Variants in DIP2B observed in about 807,000 individuals in gnomAD.
DIP2B encodes DIP2 acetate--CoA ligase B (putative).
In DIP2B, 76 loss-of-function variants were observed where a neutral mutation model predicts 198.0. The observed-to-expected ratio is 0.38, with a 90% CI of 0.32 to 0.46. The LOEUF (loss-of-function observed/expected upper bound fraction) is 0.46, where lower values mean the gene tolerates loss of function less well. Among genes scored for constraint, DIP2B ranks in the 20% least tolerant of loss-of-function variants. DIP2B has a pLI of 0.99. For missense variants in DIP2B, 1,559 were observed against 1,978.4 expected, an observed-to-expected ratio of 0.79 and a Z score of 4.02; for synonymous variants, 701 against 739.1, an observed-to-expected ratio of 0.95 and a Z score of 0.84.
chr12:50,516,628 C>T (rs1049345983), intron 1 of DIP2B, among the ~76,000 whole-genome samples: 2 of 152,110 alleles, frequency 1.3e-5, no homozygotes, highest in African/African-American at 4.8e-5. Flanking sequence ...ACATTCAGAC[C>T]ATAGTAACTT....
intron 3 of DIP2B, among the ~76,000 whole-genome samples, chr12:50,647,999 G>T (rs1437750045): frequency 1.3e-5 from 2 of 152,104 alleles, no homozygotes; most frequent in Non-Finnish European, 2.9e-5. Flanking sequence ...CCAGCTATGC[G>T]AGAGACTGAG....
chr12:50,660,340 T>A, intron 4 of DIP2B, 21 bp downstream of exon 4: 1 of 1,591,588 alleles, frequency 6.3e-7, no homozygotes, highest in South Asian at 1.2e-5. Flanking sequence ...CAGAGCTTTT[T>A]CTCTCTGACA....
At chr12:50,739,713 A>G (rs1257731057) in intron 36 of DIP2B, 127 bp downstream of exon 36, 11 of 1,137,040 alleles carry the variant, frequency 9.7e-6, no homozygotes, top group Non-Finnish European at 1.2e-5. Flanking sequence ...TCTTAAACCC[A>G]TAAGTGACTC....
chr12:50,640,094 T>C (rs1208952336), intron 2 of DIP2B, among the ~76,000 whole-genome samples: 1 of 152,194 alleles, frequency 6.6e-6, no homozygotes, highest in African/African-American at 2.4e-5. Flanking sequence ...GTTAAGTTTT[T>C]TTATTGTAAT....
At chr12:50,707,982 C>A (rs1383834517) in intron 21 of DIP2B, among the ~76,000 whole-genome samples, 1 of 152,132 alleles carries the variant, frequency 6.6e-6, no homozygotes, top group African/African-American at 2.4e-5. Context: ...TTTTCGCTTT[C>A]CGTTCCTTCT....
At chr12:50,694,553 A>G (rs1476458615) in intron 14 of DIP2B, among the ~76,000 whole-genome samples, 1 of 130,640 alleles carries the variant, frequency 7.7e-6, no homozygotes, top group Non-Finnish European at 1.7e-5. Flanking sequence ...ACATACATAC[A>G]TACATACACC....
At chr12:50,554,126 C>T (rs1278513798) in intron 1 of DIP2B, among the ~76,000 whole-genome samples, 1 of 152,136 alleles carries the variant, frequency 6.6e-6, no homozygotes, top group African/African-American at 2.4e-5. Flanking sequence ...AAGATAACCT[C>T]TTTTACTTCC....
chr12:50,729,730 CTTTTTCT>C (rs1322125471), intron 30 of DIP2B, among the ~76,000 whole-genome samples: 3 of 139,384 alleles, frequency 2.2e-5, no homozygotes, highest in African/African-American at 5.2e-5. Context: ...TCTTTTTTTT[CTTTTTCT>C]TTTTTTTTTT....
At chr12:50,739,014 G>A (rs576319867) in intron 35 of DIP2B, among the ~76,000 whole-genome samples, 54 of 152,312 alleles carry the variant, frequency 3.5e-4, no homozygotes, top group Non-Finnish European at 1.6e-4. Flanking sequence ...GCACAGAAAC[G>A]ATCCCTGATG....
intron 36 of DIP2B, 95 bp from the exon 37 acceptor site, chr12:50,741,321 G>A: frequency 6.8e-7 from 1 of 1,466,422 alleles, no homozygotes; most frequent in South Asian, 1.3e-5. Context: ...GCAGAGCCAG[G>A]TGACAGGCAG....
intron 26 of DIP2B, among the ~76,000 whole-genome samples, chr12:50,721,849 G>T (rs938536515): frequency 6.6e-6 from 1 of 152,144 alleles, no homozygotes; most frequent in East Asian, 1.9e-4. Flanking sequence ...AACCAGGAAC[G>T]GTTAACTAGG....
chr12:50,586,641 C>T lies in DIP2B; in HGVS notation c.101-39335C>T, dbSNP rs567975746. Among the ~76,000 whole-genome samples the T allele has an allele frequency of 2.6e-5, 4 of 151,760 alleles. No individual in the cohort carries two copies. The East Asian group carries it at 5.9e-4, about 22-fold the overall frequency. ...AGACTGGAGTGCAGTGGTGTGATCT[C>T]GGCTCACTGCAACCTCTGCCTCCCG... is the stretch of plus-strand genomic sequence containing the variant. On this transcript the variant is annotated intron_variant, in intron 1 of 37. Coordinates refer to ENST00000301180, the MANE Select transcript of DIP2B (RefSeq NM_173602.3).
chr12:50,555,833 G>T (rs115586795), intron 1 of DIP2B, among the ~76,000 whole-genome samples: 47 of 151,898 alleles, frequency 3.1e-4, no homozygotes, highest in African/African-American at 1.1e-3. Flanking sequence ...TTTGCTTCTT[G>T]TCAGTTTCCC....
intron 10 of DIP2B, 23 bp from the exon 11 acceptor site, chr12:50,685,810 T>C (rs1468773026): frequency 6.2e-7 from 1 of 1,610,606 alleles, no homozygotes; most frequent in Non-Finnish European, 8.5e-7. Flanking sequence ...CCCCTACCTA[T>C]GTTCATTATC....
chr12:50,642,650 G>T (rs7974932), intron 3 of DIP2B, among the ~76,000 whole-genome samples: 1 of 152,176 alleles, frequency 6.6e-6, no homozygotes, highest in African/African-American at 2.4e-5. Flanking sequence ...TTAGCTGGAT[G>T]TGGTGGCAGG....
intron 1 of DIP2B, among the ~76,000 whole-genome samples, chr12:50,577,740 T>C (rs1958675937): frequency 6.6e-6 from 1 of 151,908 alleles, no homozygotes; most frequent in Non-Finnish European, 1.5e-5. Context: ...GTCTTTTCAT[T>C]AATCTGTTAT....
intron 1 of DIP2B, among the ~76,000 whole-genome samples, chr12:50,564,782 G>A (rs1424443100): frequency 6.6e-6 from 1 of 152,080 alleles, no homozygotes; most frequent in Non-Finnish European, 1.5e-5. Flanking sequence ...CTTTTGCTGA[G>A]TAGGGCTTAA....
intron 1 of DIP2B, among the ~76,000 whole-genome samples, chr12:50,535,839 G>C (rs1332410117): frequency 9.3e-6 from 1 of 107,250 alleles, no homozygotes; most frequent in African/African-American, 3.6e-5. Flanking sequence ...CTAAAGCTAT[G>C]CCTCCCCCCT....
In DIP2B at chr12:50,739,533, G is replaced by A. The variant is rs571064225; in HGVS notation, c.4301G>A (p.Arg1434Gln). The A allele has an allele frequency of 2.8e-5, 45 of 1,614,100 alleles. 1 individual carries two copies. The highest frequency in any genetic ancestry group is 2.6e-4 in the South Asian group (24 of 91,064). The change falls in exon 36 of 38, where the codon CGG (arginine) becomes CAG (glutamine). Residue 1434 changes from arginine to glutamine, a missense_variant. Coordinates refer to ENST00000301180, the MANE Select transcript of DIP2B (RefSeq NM_173602.3). ...GATGCAGCTCAGACACTCTGGGCTC[G>A]GACAGGATACCTTGGTTTTGTCCGC... ...FGDAAQTLWA[R>Q]TGYLGFVRRT...
Sources: allele counts gnomAD v4.1 joint callset (sites outside exome capture counted in the v4.1 genomes callset), GRCh38; gene constraint gnomAD v4.1.1; transcripts MANE v1.5; gene names NCBI Gene and HGNC (gene_info 2026-07-23, HGNC 2026-07-21).